The following WDR82 variants were observed in gnomAD, a reference collection of about 807,000 sequenced individuals.
The protein encoded by WDR82 is WD repeat-containing protein 82.
Under a neutral mutation model 36.1 loss-of-function variants are expected in WDR82, and 8 were observed. That is an observed-to-expected ratio of 0.22 (90% CI 0.13 to 0.40). WDR82 has a LOEUF of 0.40. Ranked by LOEUF, WDR82 falls within the 10% of genes least tolerant of loss-of-function variation. WDR82 has a pLI of 1.00. For synonymous variants in WDR82, 129 were observed against 137.8 expected (o/e 0.94, Z 0.45); for missense variants, 185 against 400.5 (o/e 0.46, Z 4.59).
At chr3:52,275,787 G>C (rs1453838583) in intron 1 of WDR82, among the ~76,000 whole-genome samples, 1 of 152,224 alleles carries the variant, frequency 6.6e-6, no homozygotes, top group Non-Finnish European at 1.5e-5. Context: ...AGGAGGCTGA[G>C]GCAGGAGAAT....
intron 2 of WDR82, among the ~76,000 whole-genome samples, chr3:52,270,371 A>C (rs1700142763): frequency 6.6e-6 from 1 of 152,182 alleles, no homozygotes; most frequent in African/African-American, 2.4e-5. Flanking sequence ...CGCCCACCTC[A>C]GCCTCCCAAA....
At chr3:52,268,804 T>C (rs1700128272) in intron 2 of WDR82, among the ~76,000 whole-genome samples, 1 of 152,042 alleles carries the variant, frequency 6.6e-6, no homozygotes, top group African/African-American at 2.4e-5. Context: ...GTATAAGCTA[T>C]CCTTGTGGAA....
chr3:52,278,416 G>T lies in WDR82; in HGVS notation c.-55C>A, dbSNP rs1700227533. The T allele has an allele frequency of 2.4e-6, 3 of 1,239,526 alleles. No individual in the cohort carries two copies. The African/African-American group carries it at 4.8e-5, about 20-fold the overall frequency. The allele number at this position is 1,239,526 out of a possible 1,614,324, so 76.8% of individuals were successfully genotyped here. On this transcript the variant is annotated 5_prime_UTR_variant, in exon 1 of 9. Coordinates refer to ENST00000296490, the MANE Select transcript of WDR82 (RefSeq NM_025222.4). Reference sequence around the variant, plus strand: ...CAGGGCCGGGGCGGGGCCCGGCGGCGAGCGGGCGGGCTGCCGAGGGGCCAA... The same window carrying T: ...CAGGGCCGGGGCGGGGCCCGGCGGCTAGCGGGCGGGCTGCCGAGGGGCCAA...
chr3:52,263,910 T>C (rs1224622347), intron 3 of WDR82, among the ~76,000 whole-genome samples: 1 of 152,224 alleles, frequency 6.6e-6, no homozygotes, highest in African/African-American at 2.4e-5. Context: ...ATGCCTGTAA[T>C]CCCAGCACTT....
chr3:52,276,798 AACAATTCCCTCTTCCT>A, intron 1 of WDR82, among the ~76,000 whole-genome samples: 1 of 152,288 alleles, frequency 6.6e-6, no homozygotes, highest in East Asian at 1.9e-4. Context: ...TTGTCCAGCT[AACAATTCCCTCTTCCT>A]TAAGACCACC....
rs1461594333 is a variant in WDR82 at position 52,259,120 on chromosome 3, G to A, written c.769+77C>T. On this transcript the variant is annotated intron_variant, in intron 7 of 8. Transcript: ENST00000296490. ...GAACATCTATCAAATAGATAATAAT[G>A]TCTCAGTTAATAATTTAAACAAAGA... 2.3e-6 allele frequency: 3 copies of A among 1,320,538 alleles called. No individual in the cohort carries two copies. The East Asian group carries it at 6.9e-5, about 30-fold the overall frequency. The allele number at this position is 1,320,538 out of a possible 1,614,324, so 81.8% of individuals were successfully genotyped here. A position where few individuals can be genotyped will look rare whatever the true frequency, so the allele number is the denominator to read the frequency against.
chr3:52,266,591 CCAT>C (rs1195384463), intron 3 of WDR82, among the ~76,000 whole-genome samples: 2 of 152,066 alleles, frequency 1.3e-5, no homozygotes, highest in Non-Finnish European at 2.9e-5. Flanking sequence ...GTGTCCACCA[CCAT>C]ACCTGGCTAA....
In WDR82 at chr3:52,257,338, G is replaced by A; in HGVS notation, c.*152C>T. 1 of 1,005,808 alleles carries A rather than the reference G, an allele frequency of 9.9e-7. No individual in the cohort carries two copies. The highest frequency in any genetic ancestry group is 1.5e-6 in the Non-Finnish European group (1 of 669,342). The allele number at this position is 1,005,808 out of a possible 1,614,324, so 62.3% of individuals were successfully genotyped here. ...CTCATCAAAGTAATTATTTTCTTTT[G>A]AGCAGATGTACAGCACATCCATGGG... On this transcript the variant is annotated 3_prime_UTR_variant, in exon 9 of 9. Transcript: ENST00000296490.
intron 3 of WDR82, among the ~76,000 whole-genome samples, chr3:52,263,629 CAT>C (rs764303552): frequency 1.3e-5 from 2 of 152,202 alleles, no homozygotes; most frequent in Non-Finnish European, 2.9e-5. Flanking sequence ...GAAAGTGACA[CAT>C]GAGGTTAAAC....
chr3:52,271,908 G>A (rs547339762), intron 1 of WDR82, among the ~76,000 whole-genome samples: 2 of 152,032 alleles, frequency 1.3e-5, no homozygotes, highest in South Asian at 4.2e-4. Flanking sequence ...AGCCCAACAT[G>A]GTGAAACCCC....
At chr3:52,262,903 C>T (rs1700073593) in intron 3 of WDR82, among the ~76,000 whole-genome samples, 1 of 152,046 alleles carries the variant, frequency 6.6e-6, no homozygotes, top group Non-Finnish European at 1.5e-5. Flanking sequence ...CCCAGGTGGG[C>T]GATCACCTGA....
intron 4 of WDR82, 94 bp from the exon 5 acceptor site, chr3:52,260,595 A>G (rs1700052752): frequency 3.8e-6 from 3 of 796,392 alleles, no homozygotes; most frequent in South Asian, 4.6e-5. Context: ...GGAAAAAAAA[A>G]TGAATCCAGG....
At chr3:52,272,530 C>G (rs1479125514) in intron 1 of WDR82, among the ~76,000 whole-genome samples, 2 of 130,342 alleles carry the variant, frequency 1.5e-5, no homozygotes, top group Non-Finnish European at 3.1e-5. Context: ...GGCAACAGAG[C>G]AAGACTCCAT....
intron 1 of WDR82, among the ~76,000 whole-genome samples, chr3:52,275,107 G>C (rs1484817989): frequency 6.6e-6 from 1 of 152,042 alleles, no homozygotes; most frequent in Admixed American, 6.6e-5. Context: ...TGTAATCCCA[G>C]CTACTCAGGA....
At chr3:52,278,024 T>G (rs78027507) in intron 1 of WDR82, 177 bp downstream of exon 1, 1 of 477,042 alleles carries the variant, frequency 2.1e-6, no homozygotes, top group Non-Finnish European at 3.5e-6. Flanking sequence ...CTTTTTTTTT[T>G]AAGAAGAAAA....
chr3:52,265,956 C>T (rs1700102576), intron 3 of WDR82, among the ~76,000 whole-genome samples: 1 of 152,074 alleles, frequency 6.6e-6, no homozygotes, highest in South Asian at 2.1e-4. Flanking sequence ...TCCTGGGTTA[C>T]TGTACATTTG....
intron 3 of WDR82, among the ~76,000 whole-genome samples, chr3:52,261,707 T>G (rs1231019803): frequency 1.3e-5 from 2 of 152,006 alleles, no homozygotes; most frequent in Non-Finnish European, 2.9e-5. Flanking sequence ...ATGATTCCAA[T>G]GCAAATCAAA....
chr3:52,268,717 T>A (rs1700127318), intron 2 of WDR82, among the ~76,000 whole-genome samples: 1 of 146,622 alleles, frequency 6.8e-6, no homozygotes. Flanking sequence ...GGCAGAAGAG[T>A]CTCATTAAAA....
At position 52,257,154 on chromosome 3, in the gene WDR82, G is replaced by A. The variant is rs1311386473; in HGVS notation, c.*336C>T. 16 of 329,272 alleles carry A rather than the reference G, an allele frequency of 4.9e-5. No homozygotes were observed. The highest frequency in any genetic ancestry group is 4.0e-4 in the South Asian group (10 of 25,036). The allele number at this position is 329,272 out of a possible 1,614,324, so 20.4% of individuals were successfully genotyped here. ...GATGTGCGGAACTGATGACTTCACC[G>A]GCTCCTCAGCAGCATGTACATTCAA... On this transcript the variant is annotated 3_prime_UTR_variant, in exon 9 of 9. Coordinates refer to ENST00000296490, the MANE Select transcript of WDR82 (RefSeq NM_025222.4).
Sources: allele counts gnomAD v4.1 joint callset (sites outside exome capture counted in the v4.1 genomes callset), GRCh38; gene constraint gnomAD v4.1.1; transcripts MANE v1.5; gene names NCBI Gene and HGNC (gene_info 2026-07-23, HGNC 2026-07-21).